The following SERPINB5 variants were observed in gnomAD, a reference collection of about 807,000 sequenced individuals.
SERPINB5 encodes serpin B5.
SERPINB5 carries 27 observed loss-of-function variants against 32.2 expected under a neutral mutation model. The observed-to-expected ratio is 0.84, with a 90% CI of 0.62 to 1.16. SERPINB5 has a LOEUF of 1.16. SERPINB5 is among the 50% of genes most tolerant of loss of function. The pLI is 0.00. For missense variants in SERPINB5, 388 were observed against 436.3 expected, an observed-to-expected ratio of 0.89 and a Z score of 0.99; for synonymous variants, 154 against 157.4, an observed-to-expected ratio of 0.98 and a Z score of 0.16.
chr18:63,497,321 C>A (rs978167667), intron 5 of SERPINB5: 65 of 1,274,134 alleles, frequency 5.1e-5, no homozygotes, highest in Non-Finnish European at 7.3e-5. Flanking sequence ...TTCTCCTATG[C>A]GATTCTGGGC....
intron 6 of SERPINB5, among the ~76,000 whole-genome samples, chr18:63,500,578 G>T (rs1332848271): frequency 1.3e-5 from 2 of 152,028 alleles, no homozygotes; most frequent in Admixed American, 1.3e-4. Flanking sequence ...AGTTTTCTCT[G>T]CAGGTGAATG....
chr18:63,486,813 G>A (rs1356668303), intron 2 of SERPINB5, 133 bp from the exon 3 acceptor site: 18 of 857,112 alleles, frequency 2.1e-5, no homozygotes. Context: ...CTGAGGTTGA[G>A]GAGCCTTACT....
At chr18:63,487,807 T>C (rs1279291645) in intron 3 of SERPINB5, among the ~76,000 whole-genome samples, 1 of 152,164 alleles carries the variant, frequency 6.6e-6, no homozygotes, top group Non-Finnish European at 1.5e-5. Flanking sequence ...TAGTTCCTGT[T>C]TGGATGGTCA....
Position 63,484,548 on chromosome 18 carries a change from A to C in SERPINB5, c.120A>C (p.Ser40=). ...CAATCTGTCTCTCCACCTCTCTGTC[A>C]CTTGCTCAAGTGGGTGCTAAAGGTG... ...FSPICLSTSL[S]LAQVGAKGDT... is the part of the protein sequence containing the mutation. Residue 40 remains serine, a synonymous_variant, in exon 2 of 7, where the codon TCA becomes TCC. Coordinates refer to ENST00000382771, the MANE Select transcript of SERPINB5 (RefSeq NM_002639.5). The C allele has an allele frequency of 6.2e-7, 1 of 1,614,112 alleles. No individual in the cohort carries two copies. The highest frequency in any genetic ancestry group is 8.5e-7 in the Non-Finnish European group (1 of 1,180,014).
intron 1 of SERPINB5, among the ~76,000 whole-genome samples, chr18:63,480,754 C>A (rs1917114497): frequency 1.3e-5 from 2 of 152,188 alleles, no homozygotes; most frequent in African/African-American, 4.8e-5. Flanking sequence ...ATCACAGAGC[C>A]ACTGATCAGA....
chr18:63,484,472 T>G lies in SERPINB5; in HGVS notation c.44T>G (p.Leu15Arg). The change falls in exon 2 of 7, where the codon CTG becomes CGG. Residue 15 changes from leucine (L) to arginine (R), a missense_variant. Coordinates refer to ENST00000382771, the MANE Select transcript of SERPINB5 (RefSeq NM_002639.5). Reference sequence around the variant, plus strand: ...GCAAATTCGGCTTTTGCCGTTGATCTGTTCAAACAACTATGTGAAAAGGAG... The same window carrying G: ...GCAAATTCGGCTTTTGCCGTTGATCGGTTCAAACAACTATGTGAAAAGGAG... ...QLANSAFAVD[L>R]FKQLCEKEPL... 6.2e-7 allele frequency: 1 copy of G among 1,613,902 alleles called. No homozygotes were observed. The highest frequency in any genetic ancestry group is 8.5e-7 in the Non-Finnish European group (1 of 1,179,926).
chr18:63,481,741 A>T (rs115235517), intron 1 of SERPINB5, among the ~76,000 whole-genome samples: 2,526 of 152,266 alleles, frequency 0.017, 58 homozygotes, highest in African/African-American at 0.057. Flanking sequence ...GAGTTTCTTT[A>T]TGTTTTCCCA....
Position 63,503,882 on chromosome 18 carries a change from C to CT in SERPINB5, c.*160_*161insT. On this transcript the variant is annotated 3_prime_UTR_variant, in exon 7 of 7. Coordinates refer to ENST00000382771, the MANE Select transcript of SERPINB5 (RefSeq NM_002639.5). The stretch of plus-strand genomic sequence containing the variant: ...CATATGTAGCCTTCACACAGATAGA[C>CT]CTTTTTTTTTTTTCCAATTCTATCT... 3 of 615,702 alleles carry CT rather than the reference C, an allele frequency of 4.9e-6. No individual in the cohort carries two copies. Among genetic ancestry groups the CT allele is most frequent in the South Asian group, 4.3e-5 (2 of 47,016 alleles). The allele number at this position is 615,702 out of a possible 1,614,324, so 38.1% of individuals were successfully genotyped here. A position where few individuals can be genotyped will look rare whatever the true frequency, so the allele number is the denominator to read the frequency against.
At chr18:63,497,869 T>C (rs889727438) in intron 5 of SERPINB5, among the ~76,000 whole-genome samples, 3 of 152,186 alleles carry the variant, frequency 2.0e-5, no homozygotes, top group Admixed American at 6.5e-5. Flanking sequence ...TACTGAGGCC[T>C]GGAGAGATTG....
intron 5 of SERPINB5, 142 bp downstream of exon 5, chr18:63,493,237 G>A (rs1446596230): frequency 3.9e-6 from 4 of 1,028,674 alleles, no homozygotes; most frequent in African/African-American, 1.6e-5. Flanking sequence ...TGAACAGCTG[G>A]AAGGTAAGTG....
In SERPINB5 at chr18:63,489,345, A is replaced by G; in HGVS notation, c.307-2A>G. On this transcript the variant is annotated splice_acceptor_variant, in intron 3 of 6. Transcript: ENST00000382771. LOFTEE classifies it high-confidence loss of function. The stretch of plus-strand genomic sequence containing the variant: ...TGATTTTATGAACTGCATGTTTTTC[A>G]GGAGTTCATCAGCTCTACGAAGAGA... 2 of 1,536,626 alleles carry G rather than the reference A, an allele frequency of 1.3e-6. No homozygotes were observed. The highest frequency in any genetic ancestry group is 1.8e-6 in the Non-Finnish European group (2 of 1,116,206).
Position 63,503,344 on chromosome 18 carries a change from C to T in SERPINB5, c.750C>T (p.Leu250=). 1 of 1,610,280 alleles carries T rather than the reference C, an allele frequency of 6.2e-7. No homozygotes were observed. Among genetic ancestry groups the T allele is most frequent in the Non-Finnish European group, 8.5e-7 (1 of 1,179,210 alleles). The change falls in exon 7 of 7, where the codon CTC becomes CTT. Residue 250 remains leucine, a synonymous_variant. Transcript: ENST00000382771. ...STGLEKIEKQ[L]NSESLSQWTN... is the part of the protein sequence containing the mutation. ...TTGTCCTTCAGATTGAAAAACAACT[C>T]AACTCAGAGTCACTGTCACAGTGGA... is the stretch of plus-strand genomic sequence containing the variant.
At chr18:63,491,558 T>C (rs1909339128) in intron 4 of SERPINB5, among the ~76,000 whole-genome samples, 1 of 150,136 alleles carries the variant, frequency 6.7e-6, no homozygotes, top group African/African-American at 2.5e-5. Flanking sequence ...TACTGTAACC[T>C]CCGCCTCCCA....
chr18:63,484,294 A>G (rs1917170531), intron 1 of SERPINB5, 128 bp from the exon 2 acceptor site: 1 of 968,524 alleles, frequency 1.0e-6, no homozygotes, highest in Admixed American at 3.2e-5. Flanking sequence ...GAATTTACAG[A>G]AAGTTCCTTG....
intron 6 of SERPINB5, among the ~76,000 whole-genome samples, chr18:63,499,805 T>C (rs946536478): frequency 2.0e-5 from 3 of 152,090 alleles, no homozygotes; most frequent in African/African-American, 4.8e-5. Flanking sequence ...TCTCTCTTGC[T>C]CTTTCTTTTT....
At chr18:63,493,248 G>A (rs1276690417) in intron 5 of SERPINB5, 153 bp downstream of exon 5, 2 of 943,398 alleles carry the variant, frequency 2.1e-6, no homozygotes, top group Middle Eastern at 2.4e-4. Flanking sequence ...AAGGTAAGTG[G>A]TACAAAAAGA....
chr18:63,489,886 A>C (rs1238019784), intron 4 of SERPINB5, among the ~76,000 whole-genome samples: 1 of 151,752 alleles, frequency 6.6e-6, no homozygotes, highest in Non-Finnish European at 1.5e-5. Context: ...AAAGGGACAT[A>C]GGCAACATAT....
At chr18:63,483,807 C>T (rs761830948) in intron 1 of SERPINB5, among the ~76,000 whole-genome samples, 2 of 152,162 alleles carry the variant, frequency 1.3e-5, no homozygotes, top group Non-Finnish European at 2.9e-5. Context: ...CCAGTCATAT[C>T]GGATTAGGGC....
At chr18:63,491,622 G>A (rs147719365) in intron 4 of SERPINB5, among the ~76,000 whole-genome samples, 4 of 151,494 alleles carry the variant, frequency 2.6e-5, no homozygotes, top group Admixed American at 1.3e-4. Context: ...CTACAGGTGC[G>A]TGCCACTACG....
Sources: gnomAD v4.1 joint callset for allele counts (sites outside exome capture counted in the v4.1 genomes callset) on GRCh38, gnomAD v4.1.1 for gene constraint, MANE v1.5 for transcripts, NCBI Gene and HGNC (gene_info 2026-07-23, HGNC 2026-07-21) for gene names.